Variants in NLRP12 observed in about 807,000 individuals in gnomAD.
The protein encoded by NLRP12 is NLR family pyrin domain containing 12, also known as NACHT, LRR and PYD domains-containing protein 12.
In NLRP12, 108 loss-of-function variants were observed where a neutral mutation model predicts 91.2. The observed-to-expected ratio is 1.18, with a 90% confidence interval of 1.01 to 1.39. The LOEUF (loss-of-function observed/expected upper bound fraction) is 1.39, where lower values mean the gene tolerates loss of function less well. Ranked by LOEUF, NLRP12 falls within the 40% of genes most tolerant of loss-of-function variation. NLRP12 has a pLI of 0.00. For synonymous variants in NLRP12, 613 were observed against 566.7 expected (o/e 1.08, Z -1.16); for missense variants, 1,530 against 1,352.7 (o/e 1.13, Z -2.06).
chr19:53,810,691 A>G lies in NLRP12; in HGVS notation c.968T>C (p.Leu323Pro), dbSNP rs199475864. 1.2e-6 allele frequency: 2 copies of G among 1,613,876 alleles called. No homozygotes were observed. The highest frequency in any genetic ancestry group is 1.7e-6 in the Non-Finnish European group (2 of 1,179,894). Reference protein sequence around the residue: ...CWEEKRPTELLLNSLIRKKLL... With the variant: ...CWEEKRPTELPLNSLIRKKLL... ...CTTCTTCCGAATTAAGCTGTTAAGA[A>G]GCAGCTCCGTGGGCCGTTTCTCCTC... The change falls in exon 3 of 10, where the codon CTT becomes CCT. Residue 323 changes from leucine to proline, a missense_variant. Transcript: ENST00000324134.
chr19:53,816,793 C>T lies in NLRP12; in HGVS notation c.290-1805G>A, dbSNP rs528656864. ...CTGACCTCAGGTGATCTGCCTGCCT[C>T]GGCCTCCCAAAGTGCTGGGATTACA... On this transcript the variant is annotated intron_variant, in intron 1 of 9. Transcript: ENST00000324134. 1.8e-3 allele frequency among the ~76,000 whole-genome samples: 268 copies of T among 151,864 alleles called. 2 individuals are homozygous for T. The highest frequency in any genetic ancestry group is 3.3e-3 in the Admixed American group (50 of 15,256).
chr19:53,822,466 C>T (rs926961790), intron 1 of NLRP12, among the ~76,000 whole-genome samples: 6 of 151,906 alleles, frequency 3.9e-5, no homozygotes, highest in South Asian at 2.1e-4. Context: ...GGCACAGTGG[C>T]TTATGCCCGT....
intron 4 of NLRP12, 159 bp from the exon 5 acceptor site, chr19:53,805,609 C>A: frequency 1.3e-6 from 1 of 750,078 alleles, no homozygotes; most frequent in Non-Finnish European, 2.2e-6. Flanking sequence ...CCTCTGCCTC[C>A]TGGGTTGAAG....
downstream of NLRP12, chr19:53,793,727 G>C: frequency 5.1e-6 from 2 of 394,472 alleles, no homozygotes; most frequent in South Asian, 4.4e-5. Context: ...TGGGACTACA[G>C]GTGCCCGCCA....
At position 53,801,171 on chromosome 19, in the gene NLRP12, A is replaced by G. The variant is rs546423117; in HGVS notation, c.2756+56T>C. Reference sequence around the variant, plus strand: ...AACCTGGCCTCCGTGGTCCCAGGTGAGAGGGCTGCGTTCATGGATTGGGAC... The same window carrying G: ...AACCTGGCCTCCGTGGTCCCAGGTGGGAGGGCTGCGTTCATGGATTGGGAC... On this transcript the variant is annotated intron_variant, in intron 7 of 9. Transcript: ENST00000324134. 50 of 1,540,152 alleles carry G rather than the reference A, an allele frequency of 3.2e-5. 1 individual carries two copies. In the South Asian group the frequency reaches 5.6e-4, roughly 17 times the overall value.
chr19:53,811,222 C>G lies in NLRP12; in HGVS notation c.437G>C (p.Arg146Pro). 1 of 1,614,102 alleles carries G rather than the reference C, an allele frequency of 6.2e-7. No individual in the cohort carries two copies. Among genetic ancestry groups the G allele is most frequent in the Non-Finnish European group, 8.5e-7 (1 of 1,180,032 alleles). Residue 146 changes from arginine (R) to proline (P), a missense_variant, in exon 3 of 10, where the codon CGC becomes CCC. Coordinates refer to ENST00000324134, the MANE Select transcript of NLRP12 (RefSeq NM_144687.4). ...KFRLMEDRNARLGECVNLSHR... is the reference protein window; with the variant it reads ...KFRLMEDRNAPLGECVNLSHR... ...GCTGAGGTTGACACATTCCCCTAGG[C>G]GCGCATTGCGGTCTTCCATGAGCCG... is the stretch of plus-strand genomic sequence containing the variant.
intron 4 of NLRP12, 70 bp downstream of exon 4, chr19:53,807,425 C>G (rs2091977813): frequency 5.4e-6 from 8 of 1,483,150 alleles, no homozygotes; most frequent in African/African-American, 1.4e-5. Flanking sequence ...GTGATAGAAC[C>G]TTTGTGACTG....
At position 53,809,630 on chromosome 19, in the gene NLRP12, G is replaced by C. The variant is rs1486614352; in HGVS notation, c.2029C>G (p.Arg677Gly). The change falls in exon 3 of 10, where the codon CGC (arginine) becomes GGC (glycine). Residue 677 changes from arginine (R) to glycine (G), a missense_variant. Arg to Gly is a moderately radical substitution (Grantham distance 125, BLOSUM62 -2). Transcript: ENST00000324134. Reference sequence around the variant, plus strand: ...TGCGCTCCTGCGGAGCACCTCGCGCGGTCTTCCCCGTCCGCGCTGTAGGTG... The same window carrying C: ...TGCGCTCCTGCGGAGCACCTCGCGCCGTCTTCCCCGTCCGCGCTGTAGGTG... ...GATYSADGED[R>G]ARCSAGAHTL... is the part of the protein sequence containing the mutation. The C allele has an allele frequency of 2.5e-6, 4 of 1,613,128 alleles. No homozygotes were observed. Among genetic ancestry groups the C allele is most frequent in the Admixed American group, 1.7e-5 (1 of 59,912 alleles).
intron 2 of NLRP12, among the ~76,000 whole-genome samples, 169 bp from the exon 3 acceptor site, chr19:53,811,457 T>A (rs1371958764): frequency 1.3e-5 from 2 of 151,676 alleles, no homozygotes; most frequent in Non-Finnish European, 2.9e-5. Flanking sequence ...GAGGTTGCAG[T>A]GAGCTGAGAT....
At chr19:53,794,847 C>A (rs1021554052) in intron 9 of NLRP12, among the ~76,000 whole-genome samples, 1 of 151,638 alleles carries the variant, frequency 6.6e-6, no homozygotes, top group Non-Finnish European at 1.5e-5. Context: ...TTGCATAGAG[C>A]CACCCGCTCC....
Position 53,810,698 on chromosome 19 carries a change from C to T in NLRP12, c.961G>A (p.Glu321Lys), listed in dbSNP as rs769424856. The T allele has an allele frequency of 9.3e-6, 15 of 1,613,870 alleles. No homozygotes were observed. In the Admixed American group the frequency reaches 1.7e-4, roughly 18 times the overall value. Residue 321 changes from glutamate (E) to lysine (K), a missense_variant, in exon 3 of 10, where the codon GAG becomes AAG. Glu to Lys is a moderately conservative substitution (Grantham distance 56). Transcript: ENST00000324134. ...CGAATTAAGCTGTTAAGAAGCAGCT[C>T]CGTGGGCCGTTTCTCCTCCCAGCAG... is the stretch of plus-strand genomic sequence containing the variant. ...CLCWEEKRPT[E>K]LLLNSLIRKK...
intron 1 of NLRP12, among the ~76,000 whole-genome samples, chr19:53,822,188 C>G (rs1186727648): frequency 6.6e-6 from 1 of 152,124 alleles, no homozygotes; most frequent in Non-Finnish European, 1.5e-5. Flanking sequence ...CTCAGCATCA[C>G]TCAATATACC....
chr19:53,811,074 C>T lies in NLRP12; in HGVS notation c.585G>A (p.Lys195=). The T allele has an allele frequency of 6.2e-7, 1 of 1,613,164 alleles. No individual in the cohort carries two copies. The highest frequency in any genetic ancestry group is 1.3e-5 in the African/African-American group (1 of 75,028). ...RTVGHQASPI[K]IETLFEPDEE... ...CGTCTGGCTCAAAGAGGGTCTCTAT[C>T]TTGATGGGGCTAGCCTGGTGTCCCA... is the stretch of plus-strand genomic sequence containing the variant. The change falls in exon 3 of 10, where the codon AAG becomes AAA. Residue 195 remains lysine (K), a synonymous_variant. Coordinates refer to ENST00000324134, the MANE Select transcript of NLRP12 (RefSeq NM_144687.4).
intron 7 of NLRP12, among the ~76,000 whole-genome samples, chr19:53,799,631 C>T (rs1036452692): frequency 8.6e-5 from 13 of 152,008 alleles, no homozygotes; most frequent in Admixed American, 3.9e-4. Flanking sequence ...ATCAGGCGTC[C>T]GCCACCATGC....
In NLRP12 at chr19:53,811,114, C is replaced by A; in HGVS notation, c.545G>T (p.Gly182Val). 6.2e-7 allele frequency: 1 copy of A among 1,614,028 alleles called. No individual in the cohort carries two copies. Among genetic ancestry groups the A allele is most frequent in the Non-Finnish European group, 8.5e-7 (1 of 1,180,010 alleles). Residue 182 changes from glycine to valine, a missense_variant, in exon 3 of 10, where the codon GGA becomes GTA. By Grantham distance (109) the Gly-to-Val change is moderately radical (BLOSUM62 -3). Coordinates refer to ENST00000324134, the MANE Select transcript of NLRP12 (RefSeq NM_144687.4). ...VQQQLLDTGR[G>V]HARTVGHQAS... ...CTGGTGTCCCACGGTCCTCGCGTGT[C>A]CCCGGCCTGTGTCCAGAAGCTGCTG...
chr19:53,799,942 T>C (rs1323120910), intron 7 of NLRP12, among the ~76,000 whole-genome samples: 1 of 151,998 alleles, frequency 6.6e-6, no homozygotes, highest in Non-Finnish European at 1.5e-5. Context: ...GGCCAGAGGA[T>C]CTCCTAAGGC....
At chr19:53,797,162 TTCTC>T (rs1218545971) in intron 8 of NLRP12, among the ~76,000 whole-genome samples, 1 of 151,978 alleles carries the variant, frequency 6.6e-6, no homozygotes, top group East Asian at 1.9e-4. Context: ...GATGGAGTCT[TTCTC>T]TGGCACCTAG....
chr19:53,810,197 C>T lies in NLRP12; in HGVS notation c.1462G>A (p.Gly488Arg), dbSNP rs368949737. Residue 488 changes from glycine to arginine, a missense_variant, in exon 3 of 10, where the codon GGG becomes AGG. By Grantham distance (125) the Gly-to-Arg change is moderately radical (BLOSUM62 -2). Transcript: ENST00000324134. Reference protein sequence around the residue: ...EQDLRKHGLDGEDVSAFLNMN... With the variant: ...EQDLRKHGLDREDVSAFLNMN... ...TTGAGGAAGGCAGAGACGTCTTCCC[C>T]GTCTAGGCCGTGCTTCCGGAGGTCC... 16 of 1,614,060 alleles carry T rather than the reference C, an allele frequency of 9.9e-6. No individual in the cohort carries two copies. Among genetic ancestry groups the T allele is most frequent in the African/African-American group, 4.0e-5 (3 of 74,930 alleles).
intron 1 of NLRP12, among the ~76,000 whole-genome samples, chr19:53,822,609 G>C (rs900486655): frequency 2.6e-5 from 4 of 151,782 alleles, no homozygotes; most frequent in Non-Finnish European, 4.4e-5. Flanking sequence ...ATGGTGGCAG[G>C]TACCTGTAAT....
Sources: allele counts gnomAD v4.1 joint callset (sites outside exome capture counted in the v4.1 genomes callset), GRCh38; gene constraint gnomAD v4.1.1; transcripts MANE v1.5; gene names NCBI Gene and HGNC (gene_info 2026-07-23, HGNC 2026-07-21).